Variants in RIMS1 observed in about 807,000 individuals in gnomAD.
RIMS1 encodes regulating synaptic membrane exocytosis protein 1.
RIMS1 carries 83 observed loss-of-function variants against 214.1 expected under a neutral mutation model. That is an observed-to-expected ratio of 0.39 (90% CI 0.32 to 0.47). The LOEUF is 0.47. RIMS1 is among the 20% of genes least tolerant of loss of function. The pLI, the probability that RIMS1 is intolerant of heterozygous loss-of-function variation, is 0.99. For synonymous variants in RIMS1, 793 were observed against 786.8 expected (o/e 1.01, Z -0.13); for missense variants, 2,050 against 2,161.8 (o/e 0.95, Z 1.03).
intron 4 of RIMS1, among the ~76,000 whole-genome samples, chr6:72,108,305 G>T (rs1415203943): frequency 6.6e-6 from 1 of 152,070 alleles, no homozygotes; most frequent in African/African-American, 2.4e-5. Flanking sequence ...GCCCAGGCTG[G>T]TTTGGAACTT....
intron 28 of RIMS1, among the ~76,000 whole-genome samples, chr6:72,325,701 A>T (rs922514378): frequency 1.3e-5 from 2 of 151,910 alleles, no homozygotes; most frequent in Non-Finnish European, 2.9e-5. Context: ...ATAGCTTCAC[A>T]TAAAACTCAA....
intron 2 of RIMS1, among the ~76,000 whole-genome samples, chr6:72,079,896 A>G (rs1053044905): frequency 2.6e-5 from 4 of 151,194 alleles, no homozygotes; most frequent in African/African-American, 4.9e-5. Flanking sequence ...AATTCAATCA[A>G]TCAATAAAAT....
At chr6:71,975,425 G>A (rs1796891142) in intron 2 of RIMS1, among the ~76,000 whole-genome samples, 1 of 152,254 alleles carries the variant, frequency 6.6e-6, no homozygotes, top group African/African-American at 2.4e-5. Flanking sequence ...GAATATGATA[G>A]CCAAGGAAAA....
At chr6:72,273,074 C>T (rs906100878) in intron 22 of RIMS1, among the ~76,000 whole-genome samples, 1 of 152,082 alleles carries the variant, frequency 6.6e-6, no homozygotes, top group African/African-American at 2.4e-5. Context: ...TGCTTCATGG[C>T]TTCTTCAAAG....
At chr6:72,162,695 T>G (rs2045630016) in intron 4 of RIMS1, among the ~76,000 whole-genome samples, 1 of 140,614 alleles carries the variant, frequency 7.1e-6, no homozygotes, top group Non-Finnish European at 1.6e-5. Flanking sequence ...TTCTTTTCTT[T>G]AAGAATGTTG....
intron 2 of RIMS1, among the ~76,000 whole-genome samples, chr6:72,062,166 C>A (rs1828034266): frequency 6.6e-6 from 1 of 152,050 alleles, no homozygotes; most frequent in Non-Finnish European, 1.5e-5. Flanking sequence ...CTATTTATTT[C>A]TTAATATTTT....
intron 27 of RIMS1, among the ~76,000 whole-genome samples, chr6:72,307,579 C>T (rs1252662457): frequency 6.6e-6 from 1 of 151,970 alleles, no homozygotes; most frequent in Non-Finnish European, 1.5e-5. Flanking sequence ...CATGGTTAAA[C>T]CCCATCTCTA....
chr6:71,948,996 C>A (rs995634342), intron 1 of RIMS1, among the ~76,000 whole-genome samples: 1 of 152,166 alleles, frequency 6.6e-6, no homozygotes, highest in Non-Finnish European at 1.5e-5. Context: ...AGGCAAGGGA[C>A]AATTAGCAGG....
At chr6:71,938,807 C>T (rs1785217121) in intron 1 of RIMS1, among the ~76,000 whole-genome samples, 2 of 152,184 alleles carry the variant, frequency 1.3e-5, no homozygotes, top group South Asian at 4.1e-4. Flanking sequence ...TACCTGGCTT[C>T]CTTTTATCTA....
chr6:71,997,564 G>T (rs1369052511), intron 2 of RIMS1, among the ~76,000 whole-genome samples: 1 of 152,182 alleles, frequency 6.6e-6, no homozygotes, highest in African/African-American at 2.4e-5. Flanking sequence ...TTTGGGGAAT[G>T]ATGTGTTTTG....
chr6:72,266,479 T>C (rs1377529232), intron 22 of RIMS1, among the ~76,000 whole-genome samples: 1 of 152,136 alleles, frequency 6.6e-6, no homozygotes, highest in African/African-American at 2.4e-5. Context: ...TATAAACTCA[T>C]AACAGGAAGT....
intron 4 of RIMS1, among the ~76,000 whole-genome samples, chr6:72,126,133 A>G (rs1339897491): frequency 6.6e-6 from 1 of 150,512 alleles, no homozygotes; most frequent in Non-Finnish European, 1.5e-5. Context: ...TCCTCAGCCA[A>G]CTGATCTTTA....
Position 72,265,467 on chromosome 6 carries a change from C to CG in RIMS1, c.3272_3273insG (p.Thr1092AsnfsTer7). 1 of 1,604,738 alleles carries CG rather than the reference C, an allele frequency of 6.2e-7. No homozygotes were observed. On this transcript the variant is annotated frameshift_variant, in exon 21 of 34. Coordinates refer to ENST00000521978, the MANE Select transcript of RIMS1 (RefSeq NM_014989.7). LOFTEE classifies it high-confidence loss of function. ...TCCCTTCATCATGAATGCTTTAACT[C>CG]AACAGTATTGAGATTTACTGATGAA...
chr6:72,093,545 TG>T (rs1446338652), intron 2 of RIMS1, among the ~76,000 whole-genome samples: 1 of 152,000 alleles, frequency 6.6e-6, no homozygotes, highest in African/African-American at 2.4e-5. Flanking sequence ...CTTTATATTT[TG>T]GGTATATCTC....
chr6:72,246,260 A>G lies in RIMS1; in HGVS notation c.2128+399A>G, dbSNP rs1302441732. 2.0e-5 allele frequency among the ~76,000 whole-genome samples: 3 copies of G among 152,220 alleles called. No individual in the cohort carries two copies. The East Asian group carries it at 5.8e-4, about 29-fold the overall frequency. On this transcript the variant is annotated intron_variant, in intron 11 of 33. Coordinates refer to ENST00000521978, the MANE Select transcript of RIMS1 (RefSeq NM_014989.7). ...AGAAACTAGGTAGACACTTTAACAA[A>G]TAATTGTATTACTGAATAACAAAGT...
In RIMS1 at chr6:72,400,780, T is replaced by A. The variant is rs551218276; in HGVS notation, c.*66T>A. 8 of 1,288,236 alleles carry A rather than the reference T, an allele frequency of 6.2e-6. No homozygotes were observed. In the African/African-American group the frequency reaches 1.0e-4, roughly 17 times the overall value. The allele number at this position is 1,288,236 out of a possible 1,614,324, so 79.8% of individuals were successfully genotyped here. The stretch of plus-strand genomic sequence containing the variant: ...CAGGATAATAATCTGAACCAGATAT[T>A]TCATGATCGAAAGCATTGTTGGAGA... On this transcript the variant is annotated 3_prime_UTR_variant, in exon 34 of 34. Transcript: ENST00000521978.
Position 72,080,074 on chromosome 6 carries a change from T to TAA in RIMS1, c.246-16844_246-16843dup, listed in dbSNP as rs770845471. Among the ~76,000 whole-genome samples, 166 of 22,398 alleles carry TAA rather than the reference T, an allele frequency of 7.4e-3. 19 individuals are homozygous for TAA. The highest frequency in any genetic ancestry group is 0.031 in the East Asian group (18 of 588). 14.7% of individuals were successfully genotyped at this position (22,398 alleles called of 152,430 possible). ...CAACGTGGTGAAACCGTGTCTCTAC[T>TAA]AAAAAAAAAAAAAAAAAAAAAAAAA... On this transcript the variant is annotated intron_variant, in intron 2 of 33. Coordinates refer to ENST00000521978, the MANE Select transcript of RIMS1 (RefSeq NM_014989.7).
intron 4 of RIMS1, among the ~76,000 whole-genome samples, chr6:72,177,683 A>G (rs1402559324): frequency 6.6e-6 from 1 of 152,180 alleles, no homozygotes; most frequent in East Asian, 1.9e-4. Context: ...CATGATTTCA[A>G]ACTTTCTTAT....
rs1320296186 is a variant in RIMS1 at position 72,291,931 on chromosome 6, C to T, written c.3738-3C>T. On this transcript the variant is annotated splice_region_variant and splice_polypyrimidine_tract_variant and intron_variant, in intron 25 of 33. Transcript: ENST00000521978. ...TCATGCCCGCTTTGCTTTTTGCCTG[C>T]AGAATGCACCGACAGAGAAGTCCAA... The T allele has an allele frequency of 2.6e-6, 4 of 1,554,212 alleles. No individual in the cohort carries two copies. Among genetic ancestry groups the T allele is most frequent in the Non-Finnish European group, 3.5e-6 (4 of 1,148,154 alleles).
Sources: gnomAD v4.1 joint callset for allele counts (sites outside exome capture counted in the v4.1 genomes callset) on GRCh38, gnomAD v4.1.1 for gene constraint, MANE v1.5 for transcripts, NCBI Gene and HGNC (gene_info 2026-07-23, HGNC 2026-07-21) for gene names.